The following ZC3H4 variants were observed in gnomAD, a reference collection of about 807,000 sequenced individuals.
The protein encoded by ZC3H4 is zinc finger CCCH domain-containing protein 4.
In ZC3H4, 13 loss-of-function variants were observed where a neutral mutation model predicts 108.3. The ratio of observed to expected loss-of-function variants is 0.12; its 90% CI spans 0.08 to 0.19. The LOEUF is 0.19. Among genes scored for constraint, ZC3H4 ranks in the 10% least tolerant of loss-of-function variants. The pLI, the probability that ZC3H4 is intolerant of heterozygous loss-of-function variation, is 1.00. For missense variants in ZC3H4, 1,734 were observed against 1,838.8 expected (o/e 0.94, Z 1.04); for synonymous variants, 917 against 749.6 (o/e 1.22, Z -3.65).
At chr19:47,078,705 C>T (rs1283540827) in intron 11 of ZC3H4, among the ~76,000 whole-genome samples, 2 of 151,972 alleles carry the variant, frequency 1.3e-5, no homozygotes, top group South Asian at 4.2e-4. Flanking sequence ...ACTAAAAATA[C>T]AAAACTCAGC....
At chr19:47,102,412 T>C (rs937395345) in intron 2 of ZC3H4, among the ~76,000 whole-genome samples, 6 of 152,062 alleles carry the variant, frequency 3.9e-5, no homozygotes, top group Non-Finnish European at 8.8e-5. Context: ...AAGATATACA[T>C]ACATAAAACA....
intron 2 of ZC3H4, among the ~76,000 whole-genome samples, chr19:47,110,469 C>T (rs1464638920): frequency 6.6e-6 from 1 of 151,984 alleles, no homozygotes; most frequent in Non-Finnish European, 1.5e-5. Context: ...AAAAATTAAA[C>T]ATTGAAAGGA....
At position 47,084,320 on chromosome 19, in the gene ZC3H4, G is replaced by A. The variant is rs1055689280; in HGVS notation, c.1218+25C>T. The A allele has an allele frequency of 1.6e-5, 26 of 1,611,024 alleles. No homozygotes were observed. In the East Asian group the frequency reaches 5.3e-4, roughly 33 times the overall value. ...CTCTGGGGGCTATGGCCTCCTAGAG[G>A]TGCCCAGCTTTCAGCGCTCCTTACC... On this transcript the variant is annotated intron_variant, in intron 9 of 14. Coordinates refer to ENST00000253048, the MANE Select transcript of ZC3H4 (RefSeq NM_015168.2).
chr19:47,111,547 C>G (rs1283643033), intron 2 of ZC3H4, among the ~76,000 whole-genome samples: 1 of 152,124 alleles, frequency 6.6e-6, no homozygotes, highest in Non-Finnish European at 1.5e-5. Flanking sequence ...ACCTTACCCC[C>G]GCAAAACAAG....
chr19:47,104,528 G>T (rs1216329749), intron 2 of ZC3H4, among the ~76,000 whole-genome samples: 1 of 152,098 alleles, frequency 6.6e-6, no homozygotes, highest in Non-Finnish European at 1.5e-5. Flanking sequence ...TACCCTTTTG[G>T]TCAATTTCAT....
chr19:47,066,272 C>T lies in ZC3H4; in HGVS notation c.*84G>A, dbSNP rs1599946966. On this transcript the variant is annotated 3_prime_UTR_variant, in exon 15 of 15. Transcript: ENST00000253048. ...AAAAAGGAACACCCAGCCTGCCTCC[C>T]CTTGCCCCCAAGTTCCCTACCCTGG... The T allele has an allele frequency of 8.7e-7, 1 of 1,152,262 alleles. No individual in the cohort carries two copies. The highest frequency in any genetic ancestry group is 1.2e-6 in the Non-Finnish European group (1 of 862,998). 71.4% of individuals were successfully genotyped at this position (1,152,262 alleles called of 1,614,324 possible). A position where few individuals can be genotyped will look rare whatever the true frequency, so the allele number is the denominator to read the frequency against.
chr19:47,104,471 T>C (rs896988123), intron 2 of ZC3H4, among the ~76,000 whole-genome samples: 4 of 151,594 alleles, frequency 2.6e-5, no homozygotes, highest in Admixed American at 1.3e-4. Flanking sequence ...ACAGATTGGG[T>C]ACATGCTCAG....
intron 2 of ZC3H4, among the ~76,000 whole-genome samples, chr19:47,106,091 C>T (rs1312043583): frequency 1.3e-5 from 2 of 152,222 alleles, no homozygotes; most frequent in Non-Finnish European, 2.9e-5. Context: ...ATGAGAAGCA[C>T]TCAGAAGGGC....
intron 2 of ZC3H4, 154 bp downstream of exon 2, chr19:47,112,270 A>C (rs1382362180): frequency 8.8e-7 from 1 of 1,131,250 alleles, no homozygotes; most frequent in Non-Finnish European, 1.1e-6. Context: ...GCGAGCGAGC[A>C]AGCGATCGAG....
At chr19:47,097,955 G>C (rs2057849422) in intron 2 of ZC3H4, among the ~76,000 whole-genome samples, 1 of 152,226 alleles carries the variant, frequency 6.6e-6, no homozygotes, top group African/African-American at 2.4e-5. Context: ...CACCCTGGGA[G>C]ACCGACTTGG....
chr19:47,068,016 G>C, intron 14 of ZC3H4, 147 bp from the exon 15 acceptor site: 1 of 798,500 alleles, frequency 1.3e-6, no homozygotes, highest in South Asian at 1.7e-5. Flanking sequence ...CCTCCCCACA[G>C]TGGGCGGCTG....
intron 5 of ZC3H4, among the ~76,000 whole-genome samples, chr19:47,088,796 C>T (rs1274042603): frequency 1.3e-5 from 2 of 152,018 alleles, no homozygotes; most frequent in African/African-American, 2.4e-5. Flanking sequence ...TTAAATGTGG[C>T]TACCAGAAAA....
At chr19:47,068,009 C>G in intron 14 of ZC3H4, 140 bp from the exon 15 acceptor site, 1 of 837,170 alleles carries the variant, frequency 1.2e-6, no homozygotes, top group Non-Finnish European at 1.9e-6. Context: ...AAGGCTCCCT[C>G]CCCACAGTGG....
chr19:47,112,007 C>G, intron 2 of ZC3H4: 1 of 527,790 alleles, frequency 1.9e-6, no homozygotes, highest in Non-Finnish European at 2.4e-6. Context: ...CGAAGCCAGG[C>G]GACGGGCAAG....
chr19:47,108,734 G>C (rs1192544075), intron 2 of ZC3H4, among the ~76,000 whole-genome samples: 1 of 152,128 alleles, frequency 6.6e-6, no homozygotes, highest in East Asian at 1.9e-4. Context: ...TAAAATAGCT[G>C]GCTCTACTTA....
chr19:47,069,947 G>A (rs759969077), intron 13 of ZC3H4, among the ~76,000 whole-genome samples: 4 of 152,144 alleles, frequency 2.6e-5, no homozygotes, highest in Non-Finnish European at 4.4e-5. Flanking sequence ...CTCCTGCAGC[G>A]TGGGCACTGG....
intron 9 of ZC3H4, among the ~76,000 whole-genome samples, chr19:47,083,522 T>C (rs2122860466): frequency 6.6e-6 from 1 of 152,152 alleles, no homozygotes; most frequent in Middle Eastern, 3.4e-3. Flanking sequence ...CTGGCCAACA[T>C]GGCGAAACCC....
At chr19:47,092,413 C>A (rs1403787083) in intron 4 of ZC3H4, among the ~76,000 whole-genome samples, 1 of 152,204 alleles carries the variant, frequency 6.6e-6, no homozygotes, top group Non-Finnish European at 1.5e-5. Flanking sequence ...CAAACCTACA[C>A]CAGTAGATCA....
At chr19:47,081,768 G>T in intron 10 of ZC3H4, 146 bp from the exon 11 acceptor site, 1 of 713,346 alleles carries the variant, frequency 1.4e-6, no homozygotes. Flanking sequence ...GGGCTGCTCA[G>T]TGGGTTGGCA....
Sources: allele counts gnomAD v4.1 joint callset (sites outside exome capture counted in the v4.1 genomes callset), GRCh38; gene constraint gnomAD v4.1.1; transcripts MANE v1.5; gene names NCBI Gene and HGNC (gene_info 2026-07-23, HGNC 2026-07-21).